The following KNDC1 variants were observed in gnomAD, a reference collection of about 807,000 sequenced individuals.
The protein encoded by KNDC1 is kinase non-catalytic C-lobe domain containing 1, also known as kinase non-catalytic C-lobe domain-containing protein 1.
Under a neutral mutation model 172.8 loss-of-function variants are expected in KNDC1, and 106 were observed. That is an observed-to-expected ratio of 0.61 (90% confidence interval 0.52 to 0.72). The LOEUF is 0.72. Among genes scored for constraint, KNDC1 ranks in the 30% least tolerant of loss-of-function variants. The probability of loss-of-function intolerance (pLI) is 0.00; values close to 1 mark genes in which losing one functional copy is unlikely to be tolerated. For missense variants in KNDC1, 2,325 were observed against 2,394.5 expected (o/e 0.97, Z 0.61); for synonymous variants, 1,083 against 1,062.2 (o/e 1.02, Z -0.38).
At chr10:133,200,604 C>G (rs1358145969) in intron 16 of KNDC1, 144 bp downstream of exon 16, 26 of 638,404 alleles carry the variant, frequency 4.1e-5, no homozygotes, top group Non-Finnish European at 6.0e-5. Context: ...GGTGCCCAGC[C>G]AAAGGCCGCC....
rs984814696 is a variant in KNDC1, at chr10:133,224,431, T to C, written c.5019-228T>C. 3.3e-5 allele frequency among the ~76,000 whole-genome samples: 5 copies of C among 152,084 alleles called. No individual in the cohort carries two copies. Among genetic ancestry groups the C allele is most frequent in the African/African-American group, 1.2e-4 (5 of 41,418 alleles). On this transcript the variant is annotated intron_variant, in intron 29 of 29. Coordinates refer to ENST00000304613, the MANE Select transcript of KNDC1 (RefSeq NM_152643.8). This position sits in a 1 kb window ranked among gnomAD's most constrained non-coding sequence, Gnocchi z 5.4. ...CGAGCCTGAGCCTGCAGGGTTTCCATAAGCGTGTGTGGACTGAAATGTGGA... is the reference window on the plus strand; with the variant it reads ...CGAGCCTGAGCCTGCAGGGTTTCCACAAGCGTGTGTGGACTGAAATGTGGA...
At position 133,163,623 on chromosome 10, in the gene KNDC1, A is replaced by G. The variant is rs1317345691; in HGVS notation, c.102+3054A>G. On this transcript the variant is annotated intron_variant, in intron 1 of 29. Transcript: ENST00000304613. The surrounding 1 kb of genome is among the most constrained non-coding windows in gnomAD (Gnocchi z 4.4). ...TGTTAGAATCCCACGGCTGAAAAAA[A>G]TCAGTTGGTCATAAGACAGTGTATT... Among the ~76,000 whole-genome samples the G allele has an allele frequency of 6.6e-6, 1 of 152,156 alleles. No individual in the cohort carries two copies.
Position 133,198,573 on chromosome 10 carries a change from C to A in KNDC1, c.2070-5C>A. Reference sequence around the variant, plus strand: ...AGCCCCTCCTGAGCTCTGCTCCTCCCGTAGGGACCAGCCTGCCTTGGCCCA... The same window carrying A: ...AGCCCCTCCTGAGCTCTGCTCCTCCAGTAGGGACCAGCCTGCCTTGGCCCA... On this transcript the variant is annotated splice_polypyrimidine_tract_variant and splice_region_variant and intron_variant, in intron 13 of 29. Coordinates refer to ENST00000304613, the MANE Select transcript of KNDC1 (RefSeq NM_152643.8). The A allele has an allele frequency of 6.3e-7, 1 of 1,584,216 alleles. No homozygotes were observed.
rs558106837 is a variant in KNDC1 at position 133,225,192 on chromosome 10, G to A, written c.*302G>A. ...ACAGCTTCCCAGGAGTTTTGTGCCTGTCTGCGCCTCTCACACACAGATAAG... is the reference window on the plus strand; with the variant it reads ...ACAGCTTCCCAGGAGTTTTGTGCCTATCTGCGCCTCTCACACACAGATAAG... On this transcript the variant is annotated 3_prime_UTR_variant, in exon 30 of 30. Transcript: ENST00000304613. 5.4e-6 allele frequency: 2 copies of A among 368,040 alleles called. No homozygotes were observed. Among genetic ancestry groups the A allele is most frequent in the South Asian group, 2.4e-5 (1 of 42,138 alleles). 22.8% of individuals were successfully genotyped at this position (368,040 alleles called of 1,614,324 possible).
At chr10:133,195,574 G>C (rs1854165597) in intron 9 of KNDC1, 89 bp from the exon 10 acceptor site, 4 of 1,269,814 alleles carry the variant, frequency 3.2e-6, no homozygotes, top group Middle Eastern at 4.0e-4. Flanking sequence ...GTGCCTGGGT[G>C]CCCCTCAGGG....
At chr10:133,215,527 C>T (rs1845453568) in intron 26 of KNDC1, among the ~76,000 whole-genome samples, 1 of 152,276 alleles carries the variant, frequency 6.6e-6, no homozygotes, top group Admixed American at 6.5e-5. Context: ...TTCCTCAGAT[C>T]CATGGTTTTC....
At position 133,162,672 on chromosome 10, in the gene KNDC1, G is replaced by A. The variant is rs544659883; in HGVS notation, c.102+2103G>A. 7.2e-4 allele frequency among the ~76,000 whole-genome samples: 110 copies of A among 152,386 alleles called. 1 individual carries two copies. Among genetic ancestry groups the A allele is most frequent in the South Asian group, 1.7e-3 (8 of 4,834 alleles). ...CCCCCACGAATGCCTTCCCAAGACC[G>A]CCAGGCTGGCAAGAACTGAAGAGCG... On this transcript the variant is annotated intron_variant, in intron 1 of 29. Coordinates refer to ENST00000304613, the MANE Select transcript of KNDC1 (RefSeq NM_152643.8).
chr10:133,210,364 CAAAAAAAAAAAA>C (rs57759593), intron 20 of KNDC1, among the ~76,000 whole-genome samples: 17,234 of 75,976 alleles, frequency 0.23, 1,987 homozygotes, highest in African/African-American at 0.42. Context: ...GAAACTCTGC[CAAAAAAAAAAAA>C]AAAAAAAAAA....
chr10:133,193,761 A>G (rs1254325766), intron 9 of KNDC1, among the ~76,000 whole-genome samples: 1 of 152,252 alleles, frequency 6.6e-6, no homozygotes, highest in Admixed American at 6.5e-5. Flanking sequence ...ATAAAAAGAA[A>G]GCAGAAGTGA....
chr10:133,184,781 A>AGTGTGGCATTGGTGCCG (rs528517448), intron 5 of KNDC1, among the ~76,000 whole-genome samples: 2 of 152,206 alleles, frequency 1.3e-5, no homozygotes, highest in African/African-American at 2.4e-5. Flanking sequence ...CATTGGTGCC[A>AGTGTGGCATTGGTGCCG]GTGTGGCATT....
intron 1 of KNDC1, among the ~76,000 whole-genome samples, chr10:133,162,946 G>T (rs1412189842): frequency 6.6e-6 from 1 of 152,258 alleles, no homozygotes; most frequent in Admixed American, 6.5e-5. Flanking sequence ...TGGAGGAAGT[G>T]ACCAGGTTGG....
At chr10:133,174,222 TCAGAGGCCTC>T (rs1397658468) in intron 3 of KNDC1, 1 of 152,284 alleles carries the variant, frequency 6.6e-6, no homozygotes, top group Non-Finnish European at 1.5e-5. Flanking sequence ...CTTGTTTGCA[TCAGAGGCCTC>T]CAGAGGCCAC....
At chr10:133,162,943 A>G (rs1853023851) in intron 1 of KNDC1, among the ~76,000 whole-genome samples, 1 of 152,244 alleles carries the variant, frequency 6.6e-6, no homozygotes, top group South Asian at 2.1e-4. Flanking sequence ...TCCTGGAGGA[A>G]GTGACCAGGT....
chr10:133,180,749 G>A (rs186952029), intron 3 of KNDC1, among the ~76,000 whole-genome samples: 6 of 152,230 alleles, frequency 3.9e-5, no homozygotes, highest in Middle Eastern at 3.2e-3. Flanking sequence ...GCCCTGATGC[G>A]CAGGGGCGCT....
chr10:133,221,022 G>T (rs1363457735), intron 29 of KNDC1, among the ~76,000 whole-genome samples: 2 of 152,032 alleles, frequency 1.3e-5, no homozygotes, highest in Non-Finnish European at 2.9e-5. Flanking sequence ...TGCAAATCTG[G>T]AGCATTTCCT....
In KNDC1 at chr10:133,183,200, G is replaced by A. The variant is rs994520225; in HGVS notation, c.361-144G>A. The A allele has an allele frequency of 5.9e-6, 6 of 1,020,942 alleles. No homozygotes were observed. The South Asian group carries it at 6.7e-5, about 11-fold the overall frequency. 63.2% of individuals were successfully genotyped at this position (1,020,942 alleles called of 1,614,324 possible). On this transcript the variant is annotated intron_variant, in intron 3 of 29. Transcript: ENST00000304613. ...CGTGGGCGCGGGCGGCAAGGGTGTGGGCAGCGTGGGCACGGGTGCTGCTTC... is the reference window on the plus strand; with the variant it reads ...CGTGGGCGCGGGCGGCAAGGGTGTGAGCAGCGTGGGCACGGGTGCTGCTTC...
At chr10:133,219,009 C>G (rs963730219) in intron 27 of KNDC1, 22 bp from the exon 28 acceptor site, 4 of 1,613,910 alleles carry the variant, frequency 2.5e-6, no homozygotes, top group Non-Finnish European at 3.4e-6. Flanking sequence ...CCGCAGGAGG[C>G]TCACCTGTGC....
At chr10:133,162,696 C>T (rs1018668189) in intron 1 of KNDC1, among the ~76,000 whole-genome samples, 2 of 152,260 alleles carry the variant, frequency 1.3e-5, no homozygotes, top group Non-Finnish European at 2.9e-5. Flanking sequence ...AACTGAAGAG[C>T]GGACAGCGGC....
intron 26 of KNDC1, among the ~76,000 whole-genome samples, chr10:133,216,798 G>A (rs956801726): frequency 1.2e-4 from 18 of 152,252 alleles, no homozygotes; most frequent in African/African-American, 4.3e-4. Flanking sequence ...ACGGAGAGAA[G>A]AACAGATAAA....
Sources: allele counts gnomAD v4.1 joint callset (sites outside exome capture counted in the v4.1 genomes callset), GRCh38; gene constraint gnomAD v4.1.1; non-coding constraint Gnocchi (gnomAD v3.1); transcripts MANE v1.5; gene names NCBI Gene and HGNC (gene_info 2026-07-23, HGNC 2026-07-21).